XPNPEP2: variants seen among roughly 807,000 people sequenced by gnomAD.
XPNPEP2 encodes xaa-Pro aminopeptidase 2.
A neutral mutation model predicts 59.8 loss-of-function variants in XPNPEP2; 64 were observed. That is an observed-to-expected ratio of 1.07 (90% CI 0.87 to 1.32). The LOEUF (loss-of-function observed/expected upper bound fraction) is 1.32, where lower values mean the gene tolerates loss of function less well. Among genes scored for constraint, XPNPEP2 ranks in the 40% most tolerant of loss-of-function variants. The pLI is 0.00. For synonymous variants in XPNPEP2, 235 were observed against 210.0 expected, an observed-to-expected ratio of 1.12 and a Z score of -1.03; for missense variants, 575 against 546.8, an observed-to-expected ratio of 1.05 and a Z score of -0.51.
At chrX:129,749,640 T>A (rs1330329885) in intron 7 of XPNPEP2, among the ~76,000 whole-genome samples, 1 of 113,176 alleles carries the variant, frequency 8.8e-6, no homozygotes, top group Non-Finnish European at 1.9e-5. Context: ...TCTTTGAATA[T>A]CTTGCAGGGG....
At chrX:129,742,436 T>C (rs984024185) in intron 2 of XPNPEP2, among the ~76,000 whole-genome samples, 2 of 105,362 alleles carry the variant, frequency 1.9e-5, no homozygotes, top group Admixed American at 2.0e-4. Context: ...CAGCAGGTTA[T>C]CTGCTTCCGT....
intron 14 of XPNPEP2, 135 bp downstream of exon 14, chrX:129,756,690 G>A (rs1170289484): frequency 9.6e-6 from 6 of 624,284 alleles, no homozygotes; most frequent in East Asian, 3.5e-5. Context: ...AATGAGCCCC[G>A]AACATCCTAC....
At chrX:129,751,570 GAAAGAAAGAAAGAAAGAAAGA>G (rs1569476545) in intron 8 of XPNPEP2, among the ~76,000 whole-genome samples, 154 bp from the exon 9 acceptor site, 23 of 68,887 alleles carry the variant, frequency 3.3e-4, no homozygotes, top group African/African-American at 1.3e-3. Context: ...AAGAAAGAAA[GAAAGAAAGAAAGAAAGAAAGA>G]AAGAAAGGAA....
intron 20 of XPNPEP2, 34 bp downstream of exon 20, chrX:129,767,726 C>A (rs187925055): frequency 2.0e-5 from 24 of 1,191,448 alleles, no homozygotes; most frequent in Non-Finnish European, 2.7e-5. Flanking sequence ...TCTCCCTGAC[C>A]CTGGGCCTTT....
intron 14 of XPNPEP2, among the ~76,000 whole-genome samples, chrX:129,757,977 C>T (rs914455214): frequency 6.4e-5 from 7 of 108,849 alleles, no homozygotes; most frequent in African/African-American, 2.3e-4. Context: ...ATAGGCTAAC[C>T]CCATTCCTTC....
intron 19 of XPNPEP2, among the ~76,000 whole-genome samples, chrX:129,766,967 A>G (rs1467211495): frequency 9.0e-6 from 1 of 111,493 alleles, no homozygotes; most frequent in Non-Finnish European, 1.9e-5. Flanking sequence ...TAATCCCAGC[A>G]CTTTGGGAAG....
At chrX:129,742,211 CCCCCTGGCCCCACGCACCCCCCCA>C (rs1569475473) in intron 2 of XPNPEP2, 30 bp downstream of exon 2, 2 of 799,138 alleles carry the variant, frequency 2.5e-6, no homozygotes, top group Non-Finnish European at 3.3e-6. Context: ...CGCGCACGGC[CCCCCTGGCCCCACGCACCCCCCCA>C]CCCCTGCCCC....
At chrX:129,754,655 TCC>T (rs1442635253) in intron 12 of XPNPEP2, 74 bp downstream of exon 12, 3 of 947,021 alleles carry the variant, frequency 3.2e-6, no homozygotes, top group Non-Finnish European at 2.9e-6. Context: ...GGGGAATTTG[TCC>T]CCTTACTTAG....
chrX:129,756,138 T>C lies in XPNPEP2; in HGVS notation c.1296-346T>C, dbSNP rs765210002. Among the ~76,000 whole-genome samples the C allele has an allele frequency of 2.4e-4, 27 of 112,752 alleles. No individual in the cohort carries two copies. The Admixed American group carries it at 2.5e-3, about 10-fold the overall frequency. ...CTCTTTGCCGCTTTACCGCGCATCC[T>C]CGTGCAAGCCCCTTGGCCTCCATAG... On this transcript the variant is annotated intron_variant, in intron 13 of 20. Transcript: ENST00000371106.
At chrX:129,746,025 CAG>C (rs769914942) in intron 4 of XPNPEP2, among the ~76,000 whole-genome samples, 1 of 111,937 alleles carries the variant, frequency 8.9e-6, no homozygotes, top group African/African-American at 3.2e-5. Flanking sequence ...CAACACAAAG[CAG>C]AGGTGCCTGA....
chrX:129,740,957 G>A (rs1040466657), intron 1 of XPNPEP2, among the ~76,000 whole-genome samples: 1 of 107,273 alleles, frequency 9.3e-6, no homozygotes, highest in Non-Finnish European at 1.9e-5. Context: ...AAAAAAAGGA[G>A]GGGGGGCGGG....
In XPNPEP2 at chrX:129,746,342, T is replaced by C. The variant is rs1926296602; in HGVS notation, c.403+2T>C. 1 of 1,202,009 alleles carries C rather than the reference T, an allele frequency of 8.3e-7. No homozygotes were observed. Among genetic ancestry groups the C allele is most frequent in the African/African-American group, 1.8e-5 (1 of 57,118 alleles). The stretch of plus-strand genomic sequence containing the variant: ...GCAACTGGGAGCTCCATAAGGAAGG[T>C]AGAAGGGCCGCATGGATTTGTTCCC... On this transcript the variant is annotated splice_donor_variant, in intron 5 of 20. Transcript: ENST00000371106. LOFTEE classifies it high-confidence loss of function.
chrX:129,751,591 AAAGAAAGGAAGGAAGGAAGG>A (rs1453323235), intron 8 of XPNPEP2, among the ~76,000 whole-genome samples, 134 bp from the exon 9 acceptor site: 203 of 54,710 alleles, frequency 3.7e-3, no homozygotes, highest in East Asian at 0.019. Context: ...AGAAAGAAAG[AAAGAAAGGAAGGAAGGAAGG>A]AAGGAAGGAA....
At chrX:129,750,367 A>T in intron 7 of XPNPEP2, 101 bp from the exon 8 acceptor site, 1 of 605,538 alleles carries the variant, frequency 1.7e-6, no homozygotes, top group Non-Finnish European at 2.6e-6. Flanking sequence ...GCTGCTTTTT[A>T]AGAGGATGCA....
At position 129,752,234 on chromosome X, in the gene XPNPEP2, C is replaced by A. The variant is rs375256196; in HGVS notation, c.906C>A (p.Ile302=). 8.3e-7 allele frequency: 1 copy of A among 1,205,578 alleles called. No homozygotes were observed. The highest frequency in any genetic ancestry group is 1.8e-5 in the African/African-American group (1 of 57,000). ...SSCTGPMCVQ[I]EDYSQVRDSI... ...GCACAGGCCCCATGTGTGTGCAAATCGAGGATTACAGCCAAGTTCGTGACA... is the reference window on the plus strand; with the variant it reads ...GCACAGGCCCCATGTGTGTGCAAATAGAGGATTACAGCCAAGTTCGTGACA... Residue 302 remains isoleucine (I), a synonymous_variant, in exon 10 of 21, where the codon ATC becomes ATA. Coordinates refer to ENST00000371106, the MANE Select transcript of XPNPEP2 (RefSeq NM_003399.6).
At position 129,739,111 on chromosome X, in the gene XPNPEP2, G is replaced by C. The variant is rs1926124053; in HGVS notation, c.-103G>C. 2.3e-6 allele frequency: 2 copies of C among 877,008 alleles called. No homozygotes were observed. Among genetic ancestry groups the C allele is most frequent in the African/African-American group, 4.0e-5 (2 of 49,879 alleles). 72.3% of individuals were successfully genotyped at this position (877,008 alleles called of 1,213,427 possible). ...TTCTTGACGCCAGCCCCCACCCTCT[G>C]TCTGCTCGAGCCCAGGAAAGGCCTG... On this transcript the variant is annotated 5_prime_UTR_variant, in exon 1 of 21. Transcript: ENST00000371106.
chrX:129,740,557 A>T (rs1163880214), intron 1 of XPNPEP2, among the ~76,000 whole-genome samples: 2 of 109,227 alleles, frequency 1.8e-5, no homozygotes, highest in Non-Finnish European at 3.8e-5. Flanking sequence ...TGAACTCAGG[A>T]GGCAGAGATT....
rs201187317 is a variant in XPNPEP2, at chrX:129,750,452, G to T, written c.638-16G>T. On this transcript the variant is annotated splice_polypyrimidine_tract_variant and intron_variant, in intron 7 of 20. Coordinates refer to ENST00000371106, the MANE Select transcript of XPNPEP2 (RefSeq NM_003399.6). ...GGTCTGTCACTTACACTTTTTTGGG[G>T]CTCCTTTGCTTCTAGGGAGCACTTG... 58 of 1,170,452 alleles carry T rather than the reference G, an allele frequency of 5.0e-5. 1 individual carries two copies. The East Asian group carries it at 1.5e-3, about 31-fold the overall frequency.
chrX:129,747,467 G>C (rs1926319420), intron 6 of XPNPEP2, 140 bp from the exon 7 acceptor site: 1 of 814,849 alleles, frequency 1.2e-6, no homozygotes, highest in Admixed American at 2.9e-5. Flanking sequence ...GGTGGGGGGT[G>C]GGCAGGCTGC....
Sources: gnomAD v4.1 joint callset for allele counts (sites outside exome capture counted in the v4.1 genomes callset) on GRCh38, gnomAD v4.1.1 for gene constraint, MANE v1.5 for transcripts, NCBI Gene and HGNC (gene_info 2026-07-23, HGNC 2026-07-21) for gene names.